KCNMB2: variants seen among roughly 807,000 people sequenced by gnomAD.
KCNMB2 encodes the protein calcium-activated potassium channel subunit beta-2.
A neutral mutation model predicts 24.5 loss-of-function variants in KCNMB2; 9 were observed. That is an observed-to-expected ratio of 0.37 (90% CI 0.22 to 0.64). The LOEUF is 0.64. Among genes scored for constraint, KCNMB2 ranks in the 30% least tolerant of loss-of-function variants. The pLI is 0.63. For synonymous variants in KCNMB2, 109 were observed against 104.4 expected, an observed-to-expected ratio of 1.04 and a Z score of -0.27; for missense variants, 226 against 284.3, an observed-to-expected ratio of 0.79 and a Z score of 1.47.
intron 1 of KCNMB2, among the ~76,000 whole-genome samples, chr3:178,643,444 A>G (rs933129140): frequency 6.6e-6 from 1 of 152,186 alleles, no homozygotes; most frequent in African/African-American, 2.4e-5. Context: ...AATAAGCTCT[A>G]CAGATTGTAG....
intron 1 of KCNMB2, among the ~76,000 whole-genome samples, chr3:178,684,849 T>C (rs542562018): frequency 9.2e-5 from 14 of 152,232 alleles, no homozygotes; most frequent in African/African-American, 3.1e-4. Flanking sequence ...AAATAAATAG[T>C]GTGTTATTTT....
chr3:178,588,935 C>G (rs985604761), intron 1 of KCNMB2, among the ~76,000 whole-genome samples: 2 of 152,204 alleles, frequency 1.3e-5, no homozygotes, highest in African/African-American at 4.8e-5. Flanking sequence ...AAGTGCTCAA[C>G]AGCTAATGAC....
Position 178,742,845 on chromosome 3 carries a change from C to T in KCNMB2, c.-67-64498C>T, listed in dbSNP as rs975981398. On this transcript the variant is annotated intron_variant, in intron 1 of 4. Transcript: ENST00000452583. ...TGGGGTATCATTTTTCATCACTGTGCTGTGTGTACACTGGCCAATAAATAT... is the reference window on the plus strand; with the variant it reads ...TGGGGTATCATTTTTCATCACTGTGTTGTGTGTACACTGGCCAATAAATAT... Among the ~76,000 whole-genome samples, 7 of 152,140 alleles carry T rather than the reference C, an allele frequency of 4.6e-5. 1 individual carries two copies. Among genetic ancestry groups the T allele is most frequent in the African/African-American group, 1.7e-4 (7 of 41,440 alleles).
At chr3:178,715,251 G>A (rs1355077464) in intron 1 of KCNMB2, among the ~76,000 whole-genome samples, 2 of 152,120 alleles carry the variant, frequency 1.3e-5, no homozygotes, top group African/African-American at 2.4e-5. Context: ...GATTGCAGGA[G>A]CCACAGAAGA....
At chr3:178,700,931 C>A (rs1302627493) in intron 1 of KCNMB2, among the ~76,000 whole-genome samples, 1 of 152,178 alleles carries the variant, frequency 6.6e-6, no homozygotes, top group African/African-American at 2.4e-5. Flanking sequence ...ATGGTGGTTT[C>A]TTTTGCTGTG....
At chr3:178,560,962 T>C (rs1478028119) in intron 1 of KCNMB2, among the ~76,000 whole-genome samples, 1 of 152,172 alleles carries the variant, frequency 6.6e-6, no homozygotes, top group Admixed American at 6.5e-5. Context: ...CAGATGCTTC[T>C]GGACACTCAG....
chr3:178,816,837 C>T (rs1001647176), intron 2 of KCNMB2, among the ~76,000 whole-genome samples: 4 of 152,000 alleles, frequency 2.6e-5, no homozygotes, highest in Non-Finnish European at 4.4e-5. Flanking sequence ...ATAATGTGGT[C>T]AATAAAAAGG....
intron 1 of KCNMB2, chr3:178,729,237 G>A (rs1723064453): frequency 6.6e-6 from 1 of 152,172 alleles, no homozygotes; most frequent in Non-Finnish European, 1.5e-5. Context: ...CACAGAGTAA[G>A]TTAATAAGTC....
At chr3:178,565,417 T>C (rs906756361) in intron 1 of KCNMB2, among the ~76,000 whole-genome samples, 2 of 152,110 alleles carry the variant, frequency 1.3e-5, no homozygotes, top group Non-Finnish European at 2.9e-5. Context: ...CTGTCTAGAG[T>C]GGAAAATGAT....
intron 1 of KCNMB2, among the ~76,000 whole-genome samples, chr3:178,648,919 T>A (rs1186666484): frequency 6.6e-6 from 1 of 152,216 alleles, no homozygotes; most frequent in East Asian, 1.9e-4. Flanking sequence ...TGTGGAGTGG[T>A]ATTTCATTGT....
At chr3:178,561,399 G>C (rs1351893282) in intron 1 of KCNMB2, among the ~76,000 whole-genome samples, 1 of 152,138 alleles carries the variant, frequency 6.6e-6, no homozygotes, top group Non-Finnish European at 1.5e-5. Flanking sequence ...GCTTTTACAT[G>C]AAAGCTGTGT....
chr3:178,818,227 C>G (rs1241223597), intron 2 of KCNMB2, among the ~76,000 whole-genome samples: 1 of 152,112 alleles, frequency 6.6e-6, no homozygotes, highest in Non-Finnish European at 1.5e-5. Flanking sequence ...GTTGCTAGTT[C>G]TAGACACAAA....
chr3:178,771,404 G>T (rs960958143), intron 1 of KCNMB2, among the ~76,000 whole-genome samples: 5 of 150,688 alleles, frequency 3.3e-5, no homozygotes, highest in African/African-American at 1.2e-4. Context: ...CAAAAGACAA[G>T]TCCTGGACAT....
rs116188242 is a variant in KCNMB2, at chr3:178,586,885, G to A, written c.-68+50174G>A. Among the ~76,000 whole-genome samples the A allele has an allele frequency of 6.9e-3, 1,052 of 152,202 alleles. 12 individuals are homozygous for A. Among genetic ancestry groups the A allele is most frequent in the African/African-American group, 0.024 (999 of 41,544 alleles). ...TTCTCTTGTGGTTTCTCGGTTTGAT[G>A]TCAAGATTATAAAACTATTCTCTTA... On this transcript the variant is annotated intron_variant, in intron 1 of 4. Coordinates refer to ENST00000452583, the MANE Select transcript of KCNMB2 (RefSeq NM_181361.3).
intron 2 of KCNMB2, chr3:178,820,548 A>G (rs1487655732): frequency 6.5e-6 from 1 of 153,134 alleles, no homozygotes; most frequent in Non-Finnish European, 1.5e-5. Context: ...AATGGGTGTG[A>G]CAGCCAAGGA....
chr3:178,620,925 G>C (rs1718899856), intron 1 of KCNMB2, among the ~76,000 whole-genome samples: 1 of 152,192 alleles, frequency 6.6e-6, no homozygotes, highest in African/African-American at 2.4e-5. Flanking sequence ...GAAGTTTTGA[G>C]ATATAAGACC....
intron 1 of KCNMB2, among the ~76,000 whole-genome samples, chr3:178,592,261 T>C (rs890315468): frequency 2.0e-5 from 3 of 152,164 alleles, no homozygotes; most frequent in African/African-American, 7.2e-5. Flanking sequence ...AAAGCATTCC[T>C]GAAAGGCATA....
chr3:178,655,538 C>G (rs1720303186), intron 1 of KCNMB2, among the ~76,000 whole-genome samples: 1 of 152,114 alleles, frequency 6.6e-6, no homozygotes, highest in Admixed American at 6.6e-5. Flanking sequence ...TAAAGATCCC[C>G]CCTTGGTTGA....
At chr3:178,630,732 T>C (rs1719290181) in intron 1 of KCNMB2, among the ~76,000 whole-genome samples, 1 of 152,194 alleles carries the variant, frequency 6.6e-6, no homozygotes, top group Non-Finnish European at 1.5e-5. Context: ...TTTTCCAAGA[T>C]ACATAGATGC....
Sources: gnomAD v4.1 joint callset for allele counts (sites outside exome capture counted in the v4.1 genomes callset) on GRCh38, gnomAD v4.1.1 for gene constraint, MANE v1.5 for transcripts, NCBI Gene and HGNC (gene_info 2026-07-23, HGNC 2026-07-21) for gene names.